The following GNB4 variants were observed in gnomAD, a reference collection of about 807,000 sequenced individuals.
The protein encoded by GNB4 is guanine nucleotide-binding protein subunit beta-4.
GNB4 carries 28 observed loss-of-function variants against 45.2 expected under a neutral mutation model. That is an observed-to-expected ratio of 0.62 (90% CI 0.46 to 0.85). The LOEUF (loss-of-function observed/expected upper bound fraction) is 0.85, where lower values mean the gene tolerates loss of function less well. Ranked by LOEUF, GNB4 falls within the 40% of genes least tolerant of loss-of-function variation. The pLI is 0.00. For synonymous variants in GNB4, 132 were observed against 143.7 expected (o/e 0.92, Z 0.58); for missense variants, 321 against 425.4 (o/e 0.75, Z 2.16).
At chr3:179,459,707 A>G in the GNB4 span, among the ~76,000 whole-genome samples, 1 of 151,938 alleles carries the variant, frequency 6.6e-6, no homozygotes, top group Non-Finnish European at 1.5e-5. Context: ...AAAAAAAAGC[A>G]AGAAAAAAAA....
rs1261447203 is a variant in GNB4, at chr3:179,401,339, A to G, written c.917-20T>C. On this transcript the variant is annotated intron_variant, in intron 9 of 9. Coordinates refer to ENST00000232564, the MANE Select transcript of GNB4 (RefSeq NM_021629.4). ...GGACACCTGAAAAAAAAATTCAGTA[A>G]AAAATTGGCAATTGTAGGGTTTTAG... 13 of 1,569,512 alleles carry G rather than the reference A, an allele frequency of 8.3e-6. No individual in the cohort carries two copies. The highest frequency in any genetic ancestry group is 1.4e-5 in the African/African-American group (1 of 73,774).
intron 1 of GNB4, among the ~76,000 whole-genome samples, chr3:179,430,866 A>G (rs1193405399): frequency 6.6e-6 from 1 of 152,178 alleles, no homozygotes; most frequent in Non-Finnish European, 1.5e-5. Context: ...AAAATGTTCT[A>G]ACACAGAGAA....
At chr3:179,474,736 CCTT>C in the GNB4 span, among the ~76,000 whole-genome samples, 3 of 45,232 alleles carry the variant, frequency 6.6e-5, no homozygotes, top group African/African-American at 2.6e-4. Context: ...CAGACTGGGT[CCTT>C]TTTTTTTTTT....
At chr3:179,410,327 G>C (rs1714615908) in intron 8 of GNB4, 1 of 152,202 alleles carries the variant, frequency 6.6e-6, no homozygotes, top group South Asian at 2.1e-4. Flanking sequence ...CTGGTTCTCT[G>C]AGGAGATAGT....
the GNB4 span, among the ~76,000 whole-genome samples, chr3:179,481,142 C>T: frequency 5.3e-5 from 8 of 151,968 alleles, no homozygotes; most frequent in East Asian, 3.9e-4. Flanking sequence ...TGAGCCACTG[C>T]GCCCGGCCGC....
At chr3:179,407,260 A>C (rs1577025799) in intron 8 of GNB4, among the ~76,000 whole-genome samples, 2 of 152,104 alleles carry the variant, frequency 1.3e-5, no homozygotes, top group Non-Finnish European at 2.9e-5. Context: ...GGAGTTCAAG[A>C]CCAGCCTGCC....
intron 1 of GNB4, among the ~76,000 whole-genome samples, chr3:179,436,555 A>T (rs1559979915): frequency 6.6e-6 from 1 of 152,182 alleles, no homozygotes; most frequent in Non-Finnish European, 1.5e-5. Context: ...ATAATTTTTA[A>T]CAACCATAAT....
the GNB4 span, among the ~76,000 whole-genome samples, chr3:179,469,964 T>C: frequency 6.6e-6 from 1 of 152,192 alleles, no homozygotes; most frequent in Admixed American, 6.5e-5. Flanking sequence ...TTCAATCAAC[T>C]ATGAACTAGA....
upstream of GNB4, among the ~76,000 whole-genome samples, chr3:179,455,282 GAATCAGGGAATTCAGGGA>G (rs1044822780): frequency 5.9e-5 from 9 of 152,230 alleles, no homozygotes; most frequent in African/African-American, 9.6e-5. Context: ...CAGGTCCCTG[GAATCAGGGAATTCAGGGA>G]AATCAGGGAA....
At position 179,416,498 on chromosome 3, in the gene GNB4, T is replaced by C. The variant is rs1184993597; in HGVS notation, c.262A>G (p.Asn88Asp). The change falls in exon 5 of 10, where the codon AAT becomes GAT. Residue 88 changes from asparagine to aspartate, a missense_variant. Physicochemically the swap from Asn to Asp is conservative, Grantham distance 23 (BLOSUM62 1). Transcript: ENST00000232564. ...KLIIWDSYTTNKMHAIPLRSS... is the reference protein window; with the variant it reads ...KLIIWDSYTTDKMHAIPLRSS... ...GAATTATGAAGAAATTCTACCTTATTTGTTGTATAGCTATCCCAAATAATT... is the reference window on the plus strand; with the variant it reads ...GAATTATGAAGAAATTCTACCTTATCTGTTGTATAGCTATCCCAAATAATT... 6.4e-7 allele frequency: 1 copy of C among 1,561,992 alleles called. No individual in the cohort carries two copies. The highest frequency in any genetic ancestry group is 1.4e-5 in the African/African-American group (1 of 73,404).
chr3:179,525,588 C>T, the GNB4 span, among the ~76,000 whole-genome samples: 2 of 152,134 alleles, frequency 1.3e-5, no homozygotes, highest in East Asian at 3.9e-4. Flanking sequence ...CCGTGGTGAT[C>T]AGACACCAGT....
At chr3:179,495,555 GA>G in the GNB4 span, among the ~76,000 whole-genome samples, 159 of 134,728 alleles carry the variant, frequency 1.2e-3, no homozygotes, top group Non-Finnish European at 1.9e-3. Flanking sequence ...TAAAAGAAAA[GA>G]AAAGAAAGAA....
intron 8 of GNB4, among the ~76,000 whole-genome samples, chr3:179,406,405 T>C (rs1184444159): frequency 6.6e-6 from 1 of 152,224 alleles, no homozygotes; most frequent in Non-Finnish European, 1.5e-5. Context: ...TGATCTCTGA[T>C]ACTTAAAATT....
the GNB4 span, among the ~76,000 whole-genome samples, chr3:179,520,567 ACT>A: frequency 7.9e-5 from 12 of 151,484 alleles, no homozygotes; most frequent in African/African-American, 2.7e-4. Flanking sequence ...TGCTCAACTC[ACT>A]CTCTACAGTT....
intron 1 of GNB4, among the ~76,000 whole-genome samples, chr3:179,445,325 C>G (rs1715692620): frequency 6.6e-6 from 1 of 152,084 alleles, no homozygotes; most frequent in African/African-American, 2.4e-5. Flanking sequence ...TCCTCTGTCA[C>G]CCAGGCTGGA....
intron 1 of GNB4, among the ~76,000 whole-genome samples, chr3:179,447,052 T>A (rs1236421991): frequency 2.6e-5 from 4 of 151,994 alleles, no homozygotes; most frequent in Non-Finnish European, 4.4e-5. Context: ...TACAGATAAG[T>A]CGTATGCAAG....
the GNB4 span, among the ~76,000 whole-genome samples, chr3:179,457,867 T>A: frequency 1.3e-5 from 2 of 152,064 alleles, no homozygotes; most frequent in Non-Finnish European, 2.9e-5. Flanking sequence ...TGAGCTACCT[T>A]TACAGCTTCA....
chr3:179,462,180 G>GTC, the GNB4 span, among the ~76,000 whole-genome samples: 3 of 152,158 alleles, frequency 2.0e-5, no homozygotes, highest in East Asian at 5.8e-4. Flanking sequence ...GCACATGTGT[G>GTC]TGTGTGTGTG....
At chr3:179,522,565 C>A in the GNB4 span, among the ~76,000 whole-genome samples, 2 of 152,124 alleles carry the variant, frequency 1.3e-5, no homozygotes, top group East Asian at 1.9e-4. Flanking sequence ...GCAATGAGTT[C>A]GGCTTGCTGA....
Sources: gnomAD v4.1 joint callset for allele counts (sites outside exome capture counted in the v4.1 genomes callset) on GRCh38, gnomAD v4.1.1 for gene constraint, MANE v1.5 for transcripts, NCBI Gene and HGNC (gene_info 2026-07-23, HGNC 2026-07-21) for gene names.